PTPRM: variants seen among roughly 807,000 people sequenced by gnomAD.
PTPRM encodes receptor-type tyrosine-protein phosphatase mu.
A neutral mutation model predicts 186.7 loss-of-function variants in PTPRM; 47 were observed. That is an observed-to-expected ratio of 0.25 (90% CI 0.20 to 0.32). The LOEUF (loss-of-function observed/expected upper bound fraction) is 0.32. PTPRM is among the 10% of genes least tolerant of loss of function. The pLI is 1.00. For synonymous variants in PTPRM, 668 were observed against 674.9 expected (o/e 0.99, Z 0.16); for missense variants, 1,494 against 1,865.0 (o/e 0.80, Z 3.66).
At chr18:8,246,898 G>A (rs2094482151) in intron 15 of PTPRM, among the ~76,000 whole-genome samples, 1 of 152,128 alleles carries the variant, frequency 6.6e-6, no homozygotes, top group African/African-American at 2.4e-5. Flanking sequence ...AGTATGCACA[G>A]GGATTTGGTC....
intron 24 of PTPRM, 54 bp downstream of exon 24, chr18:8,371,060 C>CT: frequency 1.9e-6 from 2 of 1,080,602 alleles, no homozygotes; most frequent in Non-Finnish European, 2.7e-6. Flanking sequence ...TGGTACCATA[C>CT]TAGCCTCATT....
chr18:7,711,559 G>A (rs2040213770), intron 1 of PTPRM, among the ~76,000 whole-genome samples: 1 of 152,220 alleles, frequency 6.6e-6, no homozygotes, highest in Non-Finnish European at 1.5e-5. Flanking sequence ...CCTCCACAGA[G>A]CCCAGCAAGC....
chr18:8,278,559 A>T (rs894553315), intron 19 of PTPRM, among the ~76,000 whole-genome samples: 1 of 152,218 alleles, frequency 6.6e-6, no homozygotes, highest in African/African-American at 2.4e-5. Context: ...TGAAAAAATA[A>T]ATAAATGAAA....
chr18:7,966,472 AC>A (rs1008729276), intron 7 of PTPRM, among the ~76,000 whole-genome samples: 2 of 152,126 alleles, frequency 1.3e-5, no homozygotes, highest in African/African-American at 2.4e-5. Flanking sequence ...CCGAATAGGA[AC>A]AGCTCCGGTC....
At chr18:8,127,190 G>A (rs2145892074) in intron 13 of PTPRM, among the ~76,000 whole-genome samples, 1 of 152,270 alleles carries the variant, frequency 6.6e-6, no homozygotes, top group African/African-American at 2.4e-5. Flanking sequence ...GATGTGAATA[G>A]AAGAGGTAAA....
intron 1 of PTPRM, among the ~76,000 whole-genome samples, chr18:7,631,208 G>A (rs1259904006): frequency 2.0e-5 from 3 of 152,096 alleles, no homozygotes; most frequent in Non-Finnish European, 4.4e-5. Context: ...AAATCACTCA[G>A]TATCTTTAAG....
chr18:7,903,254 A>G (rs968959280), intron 3 of PTPRM, among the ~76,000 whole-genome samples: 1 of 152,198 alleles, frequency 6.6e-6, no homozygotes, highest in Non-Finnish European at 1.5e-5. Context: ...GGCAGGTGGG[A>G]TGAAGGAAGG....
At chr18:7,871,337 A>G (rs1186256147) in intron 2 of PTPRM, among the ~76,000 whole-genome samples, 1 of 152,218 alleles carries the variant, frequency 6.6e-6, no homozygotes, top group African/African-American at 2.4e-5. Flanking sequence ...GTGACAGTCC[A>G]GTTCAGTTCT....
chr18:7,908,701 G>A (rs1422681565), intron 4 of PTPRM, among the ~76,000 whole-genome samples: 1 of 152,146 alleles, frequency 6.6e-6, no homozygotes, highest in Non-Finnish European at 1.5e-5. Flanking sequence ...CAGCAAAACT[G>A]GGGAGTTCAA....
At chr18:7,800,194 A>C (rs1269150972) in intron 2 of PTPRM, among the ~76,000 whole-genome samples, 1 of 152,228 alleles carries the variant, frequency 6.6e-6, no homozygotes, top group African/African-American at 2.4e-5. Context: ...TTAAATAGCC[A>C]GGTGAGCGCC....
intron 13 of PTPRM, among the ~76,000 whole-genome samples, chr18:8,138,954 A>G (rs1206769426): frequency 6.6e-6 from 1 of 151,536 alleles, no homozygotes; most frequent in African/African-American, 2.4e-5. Context: ...GCTGAGTTCC[A>G]TCCTCCTTGA....
At chr18:7,820,188 A>G (rs1450286864) in intron 2 of PTPRM, among the ~76,000 whole-genome samples, 1 of 152,062 alleles carries the variant, frequency 6.6e-6, no homozygotes, top group African/African-American at 2.4e-5. Context: ...CAGATGCCAT[A>G]CTCAATGGCA....
chr18:7,782,143 C>T (rs7240381), intron 2 of PTPRM, among the ~76,000 whole-genome samples: 2,414 of 152,240 alleles, frequency 0.016, 41 homozygotes, highest in African/African-American at 0.049. Flanking sequence ...CATTTCATGT[C>T]AGTGACCTGT....
At position 8,320,215 on chromosome 18, in the gene PTPRM, G is replaced by A. The variant is rs566343453; in HGVS notation, c.2956+1001G>A. The stretch of plus-strand genomic sequence containing the variant: ...CAAAGGTTAGGCATGGGGGCAGGGT[G>A]TACACAGACAGTCAGTGACAAGGGA... On this transcript the variant is annotated intron_variant, in intron 22 of 32. Coordinates refer to ENST00000580170, the MANE Select transcript of PTPRM (RefSeq NM_001105244.2). 7.2e-5 allele frequency among the ~76,000 whole-genome samples: 11 copies of A among 152,300 alleles called. No individual in the cohort carries two copies. In the South Asian group the frequency reaches 2.3e-3, roughly 32 times the overall value.
At chr18:8,092,298 T>A (rs1352356339) in intron 11 of PTPRM, among the ~76,000 whole-genome samples, 1 of 152,198 alleles carries the variant, frequency 6.6e-6, no homozygotes, top group Non-Finnish European at 1.5e-5. Flanking sequence ...AGAACACAAT[T>A]CCATCATTCC....
At position 8,386,967 on chromosome 18, in the gene PTPRM, G is replaced by A. The variant is rs2095779013; in HGVS notation, c.4045-105G>A. On this transcript the variant is annotated intron_variant, in intron 30 of 32. Transcript: ENST00000580170. The stretch of plus-strand genomic sequence containing the variant: ...CGTTGGTAATTTGTAGGCAGGACTC[G>A]CCTTTAATAATGGGAAGATCAAGTA... 17 of 1,197,208 alleles carry A rather than the reference G, an allele frequency of 1.4e-5. No homozygotes were observed. In the East Asian group the frequency reaches 1.4e-4, roughly 10 times the overall value. The allele number at this position is 1,197,208 out of a possible 1,614,324, so 74.2% of individuals were successfully genotyped here.
In PTPRM at chr18:7,775,051, A is replaced by G. The variant is rs531442812; in HGVS notation, c.196+780A>G. Among the ~76,000 whole-genome samples the G allele has an allele frequency of 2.0e-5, 3 of 152,352 alleles. No individual in the cohort carries two copies. The South Asian group carries it at 6.2e-4, about 32-fold the overall frequency. On this transcript the variant is annotated intron_variant, in intron 2 of 32. Transcript: ENST00000580170. ...ATTTCAGATACAACACAATTTTTAC[A>G]CTTTTTAATGAATGCAGAGTTTTTC... is the stretch of plus-strand genomic sequence containing the variant.
intron 14 of PTPRM, chr18:8,155,142 T>A (rs2093094059): frequency 6.6e-6 from 1 of 152,326 alleles, no homozygotes; most frequent in African/African-American, 2.4e-5. Flanking sequence ...GTTTCATCCA[T>A]GTATAATTAG....
intron 30 of PTPRM, among the ~76,000 whole-genome samples, chr18:8,385,202 G>A (rs1255635697): frequency 6.6e-6 from 1 of 152,144 alleles, no homozygotes; most frequent in Non-Finnish European, 1.5e-5. Flanking sequence ...TCTTGCCCAC[G>A]GTGACTTAAC....
Sources: gnomAD v4.1 joint callset for allele counts (sites outside exome capture counted in the v4.1 genomes callset) on GRCh38, gnomAD v4.1.1 for gene constraint, MANE v1.5 for transcripts, NCBI Gene and HGNC (gene_info 2026-07-23, HGNC 2026-07-21) for gene names.